The following PDLIM5 variants were observed in gnomAD, a reference collection of about 807,000 sequenced individuals.
The protein encoded by PDLIM5 is PDZ and LIM domain 5, also known as PDZ and LIM domain protein 5.
A neutral mutation model predicts 64.2 loss-of-function variants in PDLIM5; 34 were observed. The observed-to-expected ratio is 0.53, with a 90% CI of 0.40 to 0.71. The LOEUF (loss-of-function observed/expected upper bound fraction) is 0.71, where lower values mean the gene tolerates loss of function less well. PDLIM5 is among the 30% of genes least tolerant of loss of function. PDLIM5 has a pLI of 0.00. For missense variants in PDLIM5, 683 were observed against 733.6 expected (o/e 0.93, Z 0.80); for synonymous variants, 253 against 269.1 (o/e 0.94, Z 0.59).
At chr4:94,585,005 TA>T in intron 5 of PDLIM5, 1 of 1,495,270 alleles carries the variant, frequency 6.7e-7, no homozygotes, top group Non-Finnish European at 9.3e-7. Flanking sequence ...ACCTAAACGG[TA>T]ATCTTTCTGT....
At chr4:94,643,554 A>G (rs1380918117) in intron 9 of PDLIM5, among the ~76,000 whole-genome samples, 1 of 152,050 alleles carries the variant, frequency 6.6e-6, no homozygotes, top group Non-Finnish European at 1.5e-5. Context: ...AAATCTATTG[A>G]CCATTTGTAT....
intron 8 of PDLIM5, among the ~76,000 whole-genome samples, chr4:94,622,705 C>T (rs2110409509): frequency 6.6e-6 from 1 of 151,232 alleles, no homozygotes; most frequent in East Asian, 2.0e-4. Flanking sequence ...CTCCCTCACT[C>T]TGTCGCCCAG....
At chr4:94,544,201 C>T (rs1248855125) in intron 3 of PDLIM5, among the ~76,000 whole-genome samples, 1 of 152,176 alleles carries the variant, frequency 6.6e-6, no homozygotes, top group African/African-American at 2.4e-5. Flanking sequence ...CTTATAAGGA[C>T]ATTCGTCATT....
chr4:94,501,080 CCT>C (rs1727873829), intron 2 of PDLIM5, among the ~76,000 whole-genome samples: 1 of 103,794 alleles, frequency 9.6e-6, no homozygotes, highest in African/African-American at 6.2e-5. Context: ...CTATACCTGG[CCT>C]TTTTTTTTTT....
At position 94,611,159 on chromosome 4, in the gene PDLIM5, C is replaced by T; in HGVS notation, c.921-6845C>T. The T allele has an allele frequency of 4.6e-6, 7 of 1,534,852 alleles. No homozygotes were observed. The Middle Eastern group carries it at 5.0e-4, about 110-fold the overall frequency. ...CTTTAGCTTTTTCCTATCTGCAGTCCTCAAGGAAATCAACTGGCTCTATCC... is the reference window on the plus strand; with the variant it reads ...CTTTAGCTTTTTCCTATCTGCAGTCTTCAAGGAAATCAACTGGCTCTATCC... On this transcript the variant is annotated intron_variant, in intron 7 of 12. Coordinates refer to ENST00000317968, the MANE Select transcript of PDLIM5 (RefSeq NM_006457.5).
Position 94,666,051 on chromosome 4 carries a change from A to C in PDLIM5, c.*1984A>C. 2 of 1,529,528 alleles carry C rather than the reference A, an allele frequency of 1.3e-6. No homozygotes were observed. The highest frequency in any genetic ancestry group is 1.8e-6 in the Non-Finnish European group (2 of 1,142,006). The allele number at this position is 1,529,528 out of a possible 1,614,324, so 94.7% of individuals were successfully genotyped here. Reference sequence around the variant, plus strand: ...ATGGATGAAAGTCCATGAACCTCCTAAGTTATAATTTAAATTTGTTTGGGG... The same window carrying C: ...ATGGATGAAAGTCCATGAACCTCCTCAGTTATAATTTAAATTTGTTTGGGG... On this transcript the variant is annotated 3_prime_UTR_variant, in exon 13 of 13. Coordinates refer to ENST00000317968, the MANE Select transcript of PDLIM5 (RefSeq NM_006457.5).
At chr4:94,663,867 G>A in intron 12 of PDLIM5, 111 bp from the exon 13 acceptor site, 1 of 1,044,340 alleles carries the variant, frequency 9.6e-7, no homozygotes, top group Non-Finnish European at 1.3e-6. Context: ...AAAGTGTTTT[G>A]TCATATTATC....
chr4:94,631,446 T>C (rs1332827417), intron 8 of PDLIM5, among the ~76,000 whole-genome samples: 2 of 152,052 alleles, frequency 1.3e-5, no homozygotes, highest in Non-Finnish European at 1.5e-5. Flanking sequence ...TCAAGGAAAA[T>C]AAAATAATAA....
chr4:94,608,459 C>G (rs949291171), intron 7 of PDLIM5, among the ~76,000 whole-genome samples: 1 of 152,092 alleles, frequency 6.6e-6, no homozygotes, highest in Non-Finnish European at 1.5e-5. Flanking sequence ...CATAAGTCTC[C>G]TTTTCTGAAT....
chr4:94,546,988 C>A (rs1384288860), intron 3 of PDLIM5, among the ~76,000 whole-genome samples: 1 of 151,948 alleles, frequency 6.6e-6, no homozygotes, highest in African/African-American at 2.4e-5. Flanking sequence ...AAATATATAT[C>A]TAAAGTTAGT....
chr4:94,455,538 G>A, intron 2 of PDLIM5, 154 bp downstream of exon 2: 1 of 660,802 alleles, frequency 1.5e-6, no homozygotes. Flanking sequence ...TAAAGGATGA[G>A]GGGAGTAGAT....
At position 94,585,113 on chromosome 4, in the gene PDLIM5, CAG is replaced by C. The variant is rs1736058752; in HGVS notation, c.711-449_711-448del. ...TTTTTTGTTTTGTTTTTTTGTGAAA[CAG>C]AGTCTCGCTCTGTTGCCCAGGCTGG... On this transcript the variant is annotated intron_variant, in intron 5 of 12. Transcript: ENST00000317968. 3.1e-5 allele frequency: 20 copies of C among 642,708 alleles called. No individual in the cohort carries two copies. The South Asian group carries it at 3.8e-4, about 12-fold the overall frequency. The allele number at this position is 642,708 out of a possible 1,614,324, so 39.8% of individuals were successfully genotyped here.
intron 10 of PDLIM5, among the ~76,000 whole-genome samples, chr4:94,655,320 A>G (rs1048645745): frequency 7.9e-5 from 12 of 152,182 alleles, no homozygotes; most frequent in African/African-American, 2.9e-4. Flanking sequence ...AGGGTCAGGC[A>G]TACTTTATGG....
rs1367060187 is a variant in PDLIM5, at chr4:94,638,833, A to G, written c.1109-1443A>G. On this transcript the variant is annotated intron_variant, in intron 8 of 12. Transcript: ENST00000317968. ...TGTATTGATTCCAGTTTATTTATTC[A>G]TTCATTTATTCTCTCCAGACACTGT... Among the ~76,000 whole-genome samples the G allele has an allele frequency of 3.3e-5, 5 of 152,220 alleles. No homozygotes were observed. In the East Asian group the frequency reaches 7.7e-4, roughly 24 times the overall value.
chr4:94,458,703 G>A (rs1560628600), intron 2 of PDLIM5, among the ~76,000 whole-genome samples: 1 of 152,032 alleles, frequency 6.6e-6, no homozygotes, highest in Non-Finnish European at 1.5e-5. Flanking sequence ...CCACTAGCAG[G>A]GACTTGAACA....
chr4:94,544,284 A>G (rs984279503), intron 3 of PDLIM5, among the ~76,000 whole-genome samples: 10 of 152,118 alleles, frequency 6.6e-5, no homozygotes, highest in Admixed American at 6.6e-4. Flanking sequence ...ACATCTGCAA[A>G]GACCCTTTTC....
chr4:94,558,323 T>G (rs2110231278), intron 3 of PDLIM5, among the ~76,000 whole-genome samples: 1 of 152,352 alleles, frequency 6.6e-6, no homozygotes, highest in East Asian at 1.9e-4. Flanking sequence ...CATGCTGTTC[T>G]TTATTTTCTT....
chr4:94,611,909 ATAGAGATTTT>A (rs1286004186), intron 7 of PDLIM5, among the ~76,000 whole-genome samples: 1 of 152,172 alleles, frequency 6.6e-6, no homozygotes. Context: ...AACCATTCTT[ATAGAGATTTT>A]TCAATATATT....
chr4:94,584,398 T>C (rs1347182507), intron 5 of PDLIM5: 1 of 152,240 alleles, frequency 6.6e-6, no homozygotes, highest in Non-Finnish European at 1.5e-5. Flanking sequence ...TAAAAATGAA[T>C]GTTCTTAGCA....
Sources: gnomAD v4.1 joint callset for allele counts (sites outside exome capture counted in the v4.1 genomes callset) on GRCh38, gnomAD v4.1.1 for gene constraint, MANE v1.5 for transcripts, NCBI Gene and HGNC (gene_info 2026-07-23, HGNC 2026-07-21) for gene names.